Variants in GDF7 observed in about 807,000 individuals in gnomAD.
GDF7 encodes the protein growth/differentiation factor 7.
In GDF7, 12 loss-of-function variants were observed where a neutral mutation model predicts 13.4. The observed-to-expected ratio is 0.90, with a 90% CI of 0.57 to 1.45. The LOEUF is 1.45. GDF7 is among the 40% of genes most tolerant of loss of function. The probability of loss-of-function intolerance (pLI) is 0.00; values close to 1 mark genes in which losing one functional copy is unlikely to be tolerated. For missense variants in GDF7, 651 were observed against 652.4 expected (o/e 1.00, Z 0.02); for synonymous variants, 330 against 306.4 (o/e 1.08, Z -0.80).
Position 20,678,532 on chromosome 2 carries a change from T to G in GDF7, c.*7107T>G, listed in dbSNP as rs1344585349. On this transcript the variant is annotated 3_prime_UTR_variant, in exon 2 of 2. Transcript: ENST00000272224. ...CAGATCCTTTCTCTGTGAAGGTTGT[T>G]GCAGAGCTCCCGTACCAGCTTATAA... The G allele has an allele frequency of 2.0e-5, 3 of 152,236 alleles. No homozygotes were observed. The highest frequency in any genetic ancestry group is 7.2e-5 in the African/African-American group (3 of 41,468). 9.4% of individuals were successfully genotyped at this position (152,236 alleles called of 1,614,324 possible). A position where few individuals can be genotyped will look rare whatever the true frequency, so the allele number is the denominator to read the frequency against.
Position 20,671,505 on chromosome 2 carries a change from C to G in GDF7, c.*80C>G. 1 of 1,451,578 alleles carries G rather than the reference C, an allele frequency of 6.9e-7. No individual in the cohort carries two copies. Among genetic ancestry groups the G allele is most frequent in the Non-Finnish European group, 9.3e-7 (1 of 1,069,588 alleles). The allele number at this position is 1,451,578 out of a possible 1,614,324, so 89.9% of individuals were successfully genotyped here. A position where few individuals can be genotyped will look rare whatever the true frequency, so the allele number is the denominator to read the frequency against. On this transcript the variant is annotated 3_prime_UTR_variant, in exon 2 of 2. Transcript: ENST00000272224. Reference sequence around the variant, plus strand: ...AGCAGCGGGCCACCCTGTCACCGAGCGTGGGTGCATGTCCGATGTGACCCA... The same window carrying G: ...AGCAGCGGGCCACCCTGTCACCGAGGGTGGGTGCATGTCCGATGTGACCCA...
In GDF7 at chr2:20,667,973, G is replaced by T. The variant is rs1695997534; in HGVS notation, c.391+343G>T. 6.6e-6 allele frequency among the ~76,000 whole-genome samples: 1 copy of T among 152,208 alleles called. No individual in the cohort carries two copies. Among genetic ancestry groups the T allele is most frequent in the East Asian group, 1.9e-4 (1 of 5,178 alleles). ...GAGTGGCCTCGGAGCCCTCAGAGAA[G>T]AAAGGAGGGCAAGAGCTGTGTTCCC... On this transcript the variant is annotated intron_variant, in intron 1 of 1. Coordinates refer to ENST00000272224, the MANE Select transcript of GDF7 (RefSeq NM_182828.4). This position sits in a 1 kb window ranked among gnomAD's most constrained non-coding sequence, Gnocchi z 6.4.
Position 20,672,999 on chromosome 2 carries a change from G to A in GDF7, c.*1574G>A, listed in dbSNP as rs1662156464. The A allele has an allele frequency of 6.6e-6, 1 of 152,154 alleles. No individual in the cohort carries two copies. Among genetic ancestry groups the A allele is most frequent in the South Asian group, 2.1e-4 (1 of 4,816 alleles). The allele number at this position is 152,154 out of a possible 1,614,324, so 9.4% of individuals were successfully genotyped here. On this transcript the variant is annotated 3_prime_UTR_variant, in exon 2 of 2. Coordinates refer to ENST00000272224, the MANE Select transcript of GDF7 (RefSeq NM_182828.4). ...CCCGCAGCCCTCTCGGTGCATCTGT[G>A]TGATGTTGTGTAGGACTTTCCCCTT...
rs1465958930 is a variant in GDF7, at chr2:20,670,624, G to A, written c.552G>A (p.Thr184=). The A allele has an allele frequency of 2.5e-6, 4 of 1,571,872 alleles. No homozygotes were observed. Among genetic ancestry groups the A allele is most frequent in the East Asian group, 2.4e-5 (1 of 42,504 alleles). ...CTCCGCCGTTGCTGCTGCTGTCCAC[G>A]TGCCCGGGCGCCGCCCGAGCGCCAC... ...WTSPPLLLLS[T]CPGAARAPRL... The change falls in exon 2 of 2, where the codon ACG becomes ACA. Residue 184 remains threonine, a synonymous_variant. Transcript: ENST00000272224.
In GDF7 at chr2:20,671,417, T is replaced by C. The variant is rs1662123353; in HGVS notation, c.1345T>C (p.Cys449Arg). ...YEDMVVEACG[C>R]R ...GGACATGGTGGTGGAGGCCTGCGGC[T>C]GCAGGTAGCGCGAGGGCCGGGGAGG... The change falls in exon 2 of 2, where the codon TGC becomes CGC. Residue 449 changes from cysteine to arginine, a missense_variant. By Grantham distance (180) the Cys-to-Arg change is radical (BLOSUM62 -3). This residue lies in a region of GDF7 where 101 missense variants were observed against 139.2 expected (regional missense o/e 0.73). Coordinates refer to ENST00000272224, the MANE Select transcript of GDF7 (RefSeq NM_182828.4). 6.2e-7 allele frequency: 1 copy of C among 1,600,266 alleles called. No individual in the cohort carries two copies. The highest frequency in any genetic ancestry group is 8.5e-7 in the Non-Finnish European group (1 of 1,173,720).
chr2:20,671,818 CG>C lies in GDF7; in HGVS notation c.*394del, dbSNP rs1343328727. ...AGAATGGGAGAACCAAAGGGGTACTCGAGCATGCTTTATCTCACCCCCTTTT... is the reference window on the plus strand; with the variant it reads ...AGAATGGGAGAACCAAAGGGGTACTCAGCATGCTTTATCTCACCCCCTTTT... On this transcript the variant is annotated 3_prime_UTR_variant, in exon 2 of 2. Transcript: ENST00000272224. The C allele has an allele frequency of 1.6e-5, 4 of 243,538 alleles. No homozygotes were observed. The highest frequency in any genetic ancestry group is 1.4e-3 in the Middle Eastern group (1 of 728). 15.1% of individuals were successfully genotyped at this position (243,538 alleles called of 1,614,324 possible).
Position 20,675,259 on chromosome 2 carries a change from G to T in GDF7, c.*3834G>T, listed in dbSNP as rs73239128. The stretch of plus-strand genomic sequence containing the variant: ...GATCGCGCAGTGAGCTGGAGGGAGC[G>T]AGGCTCTGAAAGCAGCAGTCTAGCA... On this transcript the variant is annotated 3_prime_UTR_variant, in exon 2 of 2. Transcript: ENST00000272224. 1 of 141,696 alleles carries T rather than the reference G, an allele frequency of 7.1e-6. No homozygotes were observed. The highest frequency in any genetic ancestry group is 2.5e-5 in the African/African-American group (1 of 39,628). The allele number at this position is 141,696 out of a possible 1,614,324, so 8.8% of individuals were successfully genotyped here.
Position 20,670,982 on chromosome 2 carries a change from G to A in GDF7, c.910G>A (p.Gly304Arg). The change falls in exon 2 of 2, where the codon GGA (glycine) becomes AGA (arginine). Residue 304 changes from glycine (G) to arginine (R), a missense_variant. Gly to Arg is a moderately radical substitution (Grantham distance 125). Transcript: ENST00000272224. ...ALASEPLPDP[G>R]TGTASPRAVI... Reference sequence around the variant, plus strand: ...GGCCTCAGAGCCGCTGCCCGACCCAGGAACCGGCACCGCGTCGCCAAGGGC... The same window carrying A: ...GGCCTCAGAGCCGCTGCCCGACCCAAGAACCGGCACCGCGTCGCCAAGGGC... 6.4e-7 allele frequency: 1 copy of A among 1,556,408 alleles called. No homozygotes were observed. The highest frequency in any genetic ancestry group is 8.6e-7 in the Non-Finnish European group (1 of 1,157,230).
chr2:20,667,277 T>C lies in GDF7; in HGVS notation c.38T>C (p.Leu13Pro). 8.1e-7 allele frequency: 1 copy of C among 1,229,908 alleles called. No individual in the cohort carries two copies. The allele number at this position is 1,229,908 out of a possible 1,614,324, so 76.2% of individuals were successfully genotyped here. The part of the protein sequence containing the change: ...LSAAAALCLW[L>P]LSACRPRDGL... Reference sequence around the variant, plus strand: ...GCCGCCGCCGCGCTGTGCCTTTGGCTGCTGAGCGCCTGCCGCCCCCGCGAC... The same window carrying C: ...GCCGCCGCCGCGCTGTGCCTTTGGCCGCTGAGCGCCTGCCGCCCCCGCGAC... The change falls in exon 1 of 2, where the codon CTG becomes CCG. Residue 13 changes from leucine to proline, a missense_variant. Physicochemically the swap from Leu to Pro is moderately conservative, Grantham distance 98. This residue lies in a region of GDF7 where 61 missense variants were observed against 50.5 expected (regional missense o/e 1.21). Transcript: ENST00000272224. This position sits in a 1 kb window ranked among gnomAD's most constrained non-coding sequence, Gnocchi z 6.4.
At position 20,671,578 on chromosome 2, in the gene GDF7, C is replaced by T. The variant is rs554581695; in HGVS notation, c.*153C>T. The T allele has an allele frequency of 1.4e-6, 1 of 714,980 alleles. No homozygotes were observed. The highest frequency in any genetic ancestry group is 1.8e-5 in the African/African-American group (1 of 56,082). 44.3% of individuals were successfully genotyped at this position (714,980 alleles called of 1,614,324 possible). A position where few individuals can be genotyped will look rare whatever the true frequency, so the allele number is the denominator to read the frequency against. On this transcript the variant is annotated 3_prime_UTR_variant, in exon 2 of 2. Coordinates refer to ENST00000272224, the MANE Select transcript of GDF7 (RefSeq NM_182828.4). ...GCACACGTTCACACTCACACACACT[C>T]GTGCAGTCACGCACACATTTACCGG...
rs1662159931 is a variant in GDF7, at chr2:20,673,169, A to T, written c.*1744A>T. On this transcript the variant is annotated 3_prime_UTR_variant, in exon 2 of 2. Coordinates refer to ENST00000272224, the MANE Select transcript of GDF7 (RefSeq NM_182828.4). The stretch of plus-strand genomic sequence containing the variant: ...CTAATTTACTTAGGGGCCCTACCTG[A>T]ATCGGTTTTCATCCTGTAAAATTCT... 1 of 151,098 alleles carries T rather than the reference A, an allele frequency of 6.6e-6. No individual in the cohort carries two copies. Among genetic ancestry groups the T allele is most frequent in the Admixed American group, 6.6e-5 (1 of 15,052 alleles). The allele number at this position is 151,098 out of a possible 1,614,324, so 9.4% of individuals were successfully genotyped here.
At position 20,678,345 on chromosome 2, in the gene GDF7, A is replaced by G. The variant is rs9306894; in HGVS notation, c.*6920A>G. On this transcript the variant is annotated 3_prime_UTR_variant, in exon 2 of 2. Coordinates refer to ENST00000272224, the MANE Select transcript of GDF7 (RefSeq NM_182828.4). ...TTTGACGAAGAATCATAATTGAGTCACTTTAGGTCTTTTAGCTGGAAGCAT... is the reference window on the plus strand; with the variant it reads ...TTTGACGAAGAATCATAATTGAGTCGCTTTAGGTCTTTTAGCTGGAAGCAT... 45,655 of 152,256 alleles carry G rather than the reference A, an allele frequency of 0.3. 8,039 individuals are homozygous for G. The highest frequency in any genetic ancestry group is 0.55 in the Middle Eastern group (161 of 294). The allele number at this position is 152,256 out of a possible 1,614,324, so 9.4% of individuals were successfully genotyped here.
At position 20,672,439 on chromosome 2, in the gene GDF7, G is replaced by T. The variant is rs1662147169; in HGVS notation, c.*1014G>T. 1 of 152,270 alleles carries T rather than the reference G, an allele frequency of 6.6e-6. No homozygotes were observed. The highest frequency in any genetic ancestry group is 2.1e-4 in the South Asian group (1 of 4,834). The allele number at this position is 152,270 out of a possible 1,614,324, so 9.4% of individuals were successfully genotyped here. A position where few individuals can be genotyped will look rare whatever the true frequency, so the allele number is the denominator to read the frequency against. On this transcript the variant is annotated 3_prime_UTR_variant, in exon 2 of 2. Transcript: ENST00000272224. ...GAGGCTCTCAGGGCTTGAAAGGCAAGGAGGTGTCCTGGGGCCCACTCCAGC... is the reference window on the plus strand; with the variant it reads ...GAGGCTCTCAGGGCTTGAAAGGCAATGAGGTGTCCTGGGGCCCACTCCAGC...
In GDF7 at chr2:20,676,495, AG is replaced by A. The variant is rs1176067277; in HGVS notation, c.*5071del. 6.6e-6 allele frequency: 1 copy of A among 152,266 alleles called. No homozygotes were observed. Among genetic ancestry groups the A allele is most frequent in the East Asian group, 1.9e-4 (1 of 5,194 alleles). The allele number at this position is 152,266 out of a possible 1,614,324, so 9.4% of individuals were successfully genotyped here. On this transcript the variant is annotated 3_prime_UTR_variant, in exon 2 of 2. Transcript: ENST00000272224. ...AGTAACTGAGTGAGGCTGTTGTGAAAGAAGCCTGTTTTTTTCAGGAGGGCCA... is the reference window on the plus strand; with the variant it reads ...AGTAACTGAGTGAGGCTGTTGTGAAAAAGCCTGTTTTTTTCAGGAGGGCCA...
chr2:20,669,436 C>G (rs1039970433), intron 1 of GDF7, among the ~76,000 whole-genome samples: 5 of 88,414 alleles, frequency 5.7e-5, no homozygotes, highest in Non-Finnish European at 1.2e-4. Flanking sequence ...TTTTTTTTTT[C>G]TGAGCCCAAA....
In GDF7 at chr2:20,670,486, C is replaced by T. The variant is rs748751319; in HGVS notation, c.414C>T (p.Gly138=). 2.6e-6 allele frequency: 4 copies of T among 1,565,128 alleles called. No homozygotes were observed. The highest frequency in any genetic ancestry group is 2.4e-5 in the East Asian group (1 of 42,216). ...CAGACGAATCGGCAGCCGAAACAGGCCAGAGCTTCCTGTTCGACGTGTCCA... is the reference window on the plus strand; with the variant it reads ...CAGACGAATCGGCAGCCGAAACAGGTCAGAGCTTCCTGTTCGACGTGTCCA... ...ATQDESAAET[G]QSFLFDVSSL... The change falls in exon 2 of 2, where the codon GGC becomes GGT. Residue 138 remains glycine (G), a synonymous_variant. Transcript: ENST00000272224.
Position 20,670,931 on chromosome 2 carries a change from C to G in GDF7, c.859C>G (p.Gln287Glu). ...GAGCTTATTCCGGGAGATCCGCGCC[C>G]AGGCCCGCGCGCTCGGGGCCGCTCT... ...KESLFREIRA[Q>E]ARALGAALAS... The change falls in exon 2 of 2, where the codon CAG becomes GAG. Residue 287 changes from glutamine to glutamate, a missense_variant. Physicochemically the swap from Gln to Glu is conservative, Grantham distance 29. Coordinates refer to ENST00000272224, the MANE Select transcript of GDF7 (RefSeq NM_182828.4). 1 of 1,571,546 alleles carries G rather than the reference C, an allele frequency of 6.4e-7. No individual in the cohort carries two copies. Among genetic ancestry groups the G allele is most frequent in the Non-Finnish European group, 8.6e-7 (1 of 1,167,636 alleles).
At chr2:20,669,561 G>A (rs1020860116) in intron 1 of GDF7, among the ~76,000 whole-genome samples, 1 of 152,236 alleles carries the variant, frequency 6.6e-6, no homozygotes, top group Non-Finnish European at 1.5e-5. Context: ...TCCTGGAAGC[G>A]AGACCTCGTT....
In GDF7 at chr2:20,673,172, C is replaced by G. The variant is rs1662160002; in HGVS notation, c.*1747C>G. 1 of 149,784 alleles carries G rather than the reference C, an allele frequency of 6.7e-6. No homozygotes were observed. The highest frequency in any genetic ancestry group is 2.5e-5 in the African/African-American group (1 of 40,666). The allele number at this position is 149,784 out of a possible 1,614,324, so 9.3% of individuals were successfully genotyped here. A position where few individuals can be genotyped will look rare whatever the true frequency, so the allele number is the denominator to read the frequency against. On this transcript the variant is annotated 3_prime_UTR_variant, in exon 2 of 2. Coordinates refer to ENST00000272224, the MANE Select transcript of GDF7 (RefSeq NM_182828.4). ...ATTTACTTAGGGGCCCTACCTGAAT[C>G]GGTTTTCATCCTGTAAAATTCTCCC... is the stretch of plus-strand genomic sequence containing the variant.
Sources: gnomAD v4.1 joint callset for allele counts (sites outside exome capture counted in the v4.1 genomes callset) on GRCh38, gnomAD v4.1.1 for gene constraint, gnomAD v4.1.1 regional missense constraint, Gnocchi (gnomAD v3.1) non-coding constraint, MANE v1.5 for transcripts, NCBI Gene and HGNC (gene_info 2026-07-23, HGNC 2026-07-21) for gene names.